Variants in ADAM10 observed in about 807,000 individuals in gnomAD.
The protein encoded by ADAM10 is disintegrin and metalloproteinase domain-containing protein 10.
In ADAM10, 17 loss-of-function variants were observed where a neutral mutation model predicts 90.1. The ratio of observed to expected loss-of-function variants is 0.19; its 90% CI spans 0.13 to 0.28. The LOEUF is 0.28. Ranked by LOEUF, ADAM10 falls within the 10% of genes least tolerant of loss-of-function variation. The pLI, the probability that ADAM10 is intolerant of heterozygous loss-of-function variation, is 1.00. For synonymous variants in ADAM10, 310 were observed against 298.6 expected, an observed-to-expected ratio of 1.04 and a Z score of -0.40; for missense variants, 610 against 914.3, an observed-to-expected ratio of 0.67 and a Z score of 4.29.
chr15:58,722,470 A>G (rs1490692288), intron 1 of ADAM10, among the ~76,000 whole-genome samples: 1 of 151,734 alleles, frequency 6.6e-6, no homozygotes, highest in Non-Finnish European at 1.5e-5. Flanking sequence ...CAAGAGTTCA[A>G]GGCCACAGTG....
At chr15:58,614,036 A>G (rs1015386554) in intron 11 of ADAM10, among the ~76,000 whole-genome samples, 16 of 152,224 alleles carry the variant, frequency 1.1e-4, no homozygotes, top group African/African-American at 3.9e-4. Flanking sequence ...GCTGGGGTGC[A>G]CTGGCTCACA....
rs576927942 is a variant in ADAM10, at chr15:58,688,525, A to C, written c.207-6211T>G. ...AAGAAGAAGAAAATTAGTCCCCCCC[A>C]AAAAAAGTGAGAATGAATGATAACG... On this transcript the variant is annotated intron_variant, in intron 2 of 15. Coordinates refer to ENST00000260408, the MANE Select transcript of ADAM10 (RefSeq NM_001110.4). Among the ~76,000 whole-genome samples, 17 of 151,916 alleles carry C rather than the reference A, an allele frequency of 1.1e-4. No individual in the cohort carries two copies. In the East Asian group the frequency reaches 2.3e-3, roughly 21 times the overall value.
intron 1 of ADAM10, among the ~76,000 whole-genome samples, chr15:58,733,746 C>G (rs189377200): frequency 2.2e-4 from 33 of 151,978 alleles, no homozygotes; most frequent in Admixed American, 1.5e-3. Context: ...TTTATTGGTT[C>G]TGCTTTGCAT....
chr15:58,657,920 G>C (rs1196254318), intron 5 of ADAM10, among the ~76,000 whole-genome samples: 1 of 150,190 alleles, frequency 6.7e-6, no homozygotes, highest in East Asian at 2.0e-4. Flanking sequence ...AGTTATAACA[G>C]TTCTTTACTA....
intron 1 of ADAM10, among the ~76,000 whole-genome samples, chr15:58,742,326 G>A (rs1185031049): frequency 6.6e-6 from 1 of 152,180 alleles, no homozygotes. Context: ...CACATTAAGT[G>A]GAGGAGAGCT....
At chr15:58,665,601 T>C (rs1345244320) in intron 4 of ADAM10, among the ~76,000 whole-genome samples, 4 of 152,064 alleles carry the variant, frequency 2.6e-5, no homozygotes, top group Admixed American at 2.6e-4. Flanking sequence ...CTAGCAAATA[T>C]AAAAGAGAAC....
Position 58,593,835 on chromosome 15 carries a change from T to C in ADAM10, c.*3712A>G, listed in dbSNP as rs1169742885. 1 of 152,184 alleles carries C rather than the reference T, an allele frequency of 6.6e-6. No individual in the cohort carries two copies. Among genetic ancestry groups the C allele is most frequent in the Non-Finnish European group, 1.5e-5 (1 of 68,030 alleles). 9.4% of individuals were successfully genotyped at this position (152,184 alleles called of 1,614,324 possible). Reference sequence around the variant, plus strand: ...ATTTCTACTGAAAATAGTACATACATGTATATATCTAAGACACACAAACAA... The same window carrying C: ...ATTTCTACTGAAAATAGTACATACACGTATATATCTAAGACACACAAACAA... On this transcript the variant is annotated 3_prime_UTR_variant, in exon 16 of 16. Transcript: ENST00000260408.
At chr15:58,723,771 A>G (rs1158534198) in intron 1 of ADAM10, among the ~76,000 whole-genome samples, 1 of 152,142 alleles carries the variant, frequency 6.6e-6, no homozygotes, top group African/African-American at 2.4e-5. Flanking sequence ...AACTGGGTAG[A>G]GAAGAGACAC....
intron 1 of ADAM10, among the ~76,000 whole-genome samples, chr15:58,718,349 G>C (rs1898732288): frequency 6.6e-6 from 1 of 151,860 alleles, no homozygotes; most frequent in African/African-American, 2.4e-5. Context: ...AACCCTACTT[G>C]GTCATGTTGT....
At chr15:58,653,899 G>A (rs1896747747) in intron 5 of ADAM10, among the ~76,000 whole-genome samples, 1 of 152,016 alleles carries the variant, frequency 6.6e-6, no homozygotes, top group South Asian at 2.1e-4. Flanking sequence ...ACTTGTTATT[G>A]GTCTGTTCAG....
At chr15:58,725,916 A>G (rs932165155) in intron 1 of ADAM10, among the ~76,000 whole-genome samples, 2 of 152,226 alleles carry the variant, frequency 1.3e-5, no homozygotes, top group African/African-American at 4.8e-5. Flanking sequence ...CTCCATTAAT[A>G]GAAATGATAA....
At chr15:58,747,864 A>G (rs1475283764) in intron 1 of ADAM10, 1 of 152,254 alleles carries the variant, frequency 6.6e-6, no homozygotes, top group Non-Finnish European at 1.5e-5. Context: ...AAGAACATTT[A>G]GTATACTACT....
At chr15:58,599,461 A>C in intron 15 of ADAM10, 137 bp downstream of exon 15, 1 of 1,087,660 alleles carries the variant, frequency 9.2e-7, no homozygotes, top group Non-Finnish European at 1.4e-6. Flanking sequence ...AATATCAACT[A>C]AATCATTCAT....
chr15:58,716,614 T>A (rs368740593), intron 2 of ADAM10, among the ~76,000 whole-genome samples: 2 of 152,278 alleles, frequency 1.3e-5, no homozygotes, highest in South Asian at 2.1e-4. Context: ...AACTTAAAAG[T>A]CAAATTAAGA....
At chr15:58,659,089 A>G (rs1896905735) in intron 5 of ADAM10, among the ~76,000 whole-genome samples, 3 of 152,108 alleles carry the variant, frequency 2.0e-5, no homozygotes, top group Admixed American at 1.3e-4. Context: ...CCTGACCAAC[A>G]TGGTGAAACC....
At chr15:58,717,115 T>C (rs1308143229) in intron 2 of ADAM10, among the ~76,000 whole-genome samples, 4 of 151,928 alleles carry the variant, frequency 2.6e-5, no homozygotes, top group African/African-American at 7.2e-5. Flanking sequence ...CTCCCCTTTA[T>C]CACTTAACAA....
At chr15:58,688,306 T>C (rs544398945) in intron 2 of ADAM10, among the ~76,000 whole-genome samples, 3 of 151,938 alleles carry the variant, frequency 2.0e-5, no homozygotes, top group Admixed American at 6.6e-5. Context: ...GGTGGGAAGA[T>C]TGCTTGAGCC....
At chr15:58,608,284 T>C (rs1895333156) in intron 14 of ADAM10, among the ~76,000 whole-genome samples, 1 of 152,152 alleles carries the variant, frequency 6.6e-6, no homozygotes, top group Non-Finnish European at 1.5e-5. Flanking sequence ...AGGAAAGTAG[T>C]GAAACTAACC....
intron 8 of ADAM10, among the ~76,000 whole-genome samples, chr15:58,639,731 A>G (rs1024184693): frequency 9.2e-5 from 14 of 152,170 alleles, no homozygotes; most frequent in Admixed American, 5.2e-4. Flanking sequence ...GGAAATTGTA[A>G]AAGTATTGAC....
Sources: allele counts gnomAD v4.1 joint callset (sites outside exome capture counted in the v4.1 genomes callset), GRCh38; gene constraint gnomAD v4.1.1; transcripts MANE v1.5; gene names NCBI Gene and HGNC (gene_info 2026-07-23, HGNC 2026-07-21).